NRXN1: variants seen among roughly 807,000 people sequenced by gnomAD.
The protein encoded by NRXN1 is neurexin 1.
NRXN1 carries 39 observed loss-of-function variants against 150.9 expected under a neutral mutation model. The observed-to-expected ratio is 0.26, with a 90% CI of 0.20 to 0.34. NRXN1 has a LOEUF of 0.34. Among genes scored for constraint, NRXN1 ranks in the 10% least tolerant of loss-of-function variants. The probability of loss-of-function intolerance (pLI) is 1.00; values close to 1 mark genes in which losing one functional copy is unlikely to be tolerated. For missense variants in NRXN1, 1,815 were observed against 1,949.9 expected (o/e 0.93, Z 1.30); for synonymous variants, 924 against 757.0 (o/e 1.22, Z -3.62).
At chr2:50,656,358 C>G in intron 5 of NRXN1, 1 of 776,304 alleles carries the variant, frequency 1.3e-6, no homozygotes, top group South Asian at 1.3e-5. Context: ...GTACCTGAGT[C>G]TGTACTAGGA....
intron 5 of NRXN1, among the ~76,000 whole-genome samples, chr2:50,849,916 TAC>T (rs1674259093): frequency 6.6e-6 from 1 of 152,074 alleles, no homozygotes; most frequent in Admixed American, 6.5e-5. Context: ...TTTTAAAAAA[TAC>T]GTATTTGTCC....
intron 17 of NRXN1, among the ~76,000 whole-genome samples, chr2:50,357,909 T>C (rs1012322650): frequency 1.3e-5 from 2 of 152,064 alleles, no homozygotes; most frequent in African/African-American, 4.8e-5. Flanking sequence ...GGTTAGACAG[T>C]GGGTGCAGCC....
chr2:50,840,021 C>A (rs763907058), intron 5 of NRXN1, among the ~76,000 whole-genome samples: 1 of 152,066 alleles, frequency 6.6e-6, no homozygotes, highest in South Asian at 2.1e-4. Flanking sequence ...AATAAGAGGA[C>A]ACTGATTCCC....
At chr2:50,240,656 G>C (rs188605043) in intron 17 of NRXN1, among the ~76,000 whole-genome samples, 16 of 151,798 alleles carry the variant, frequency 1.1e-4, no homozygotes, top group Admixed American at 9.9e-4. Context: ...GACTCAGAGA[G>C]ATCTGGGTTC....
intron 17 of NRXN1, among the ~76,000 whole-genome samples, chr2:50,357,310 T>TTTTTTTTTTA (rs2078891309): frequency 9.9e-6 from 1 of 101,256 alleles, no homozygotes; most frequent in African/African-American, 3.5e-5. Context: ...TTATTTTTTT[T>TTTTTTTTTTA]TTTATTTATT....
At chr2:50,986,337 G>C (rs570423805) in intron 2 of NRXN1, among the ~76,000 whole-genome samples, 14 of 151,660 alleles carry the variant, frequency 9.2e-5, no homozygotes, top group Non-Finnish European at 5.9e-5. Flanking sequence ...ATTCGTAGAT[G>C]AATAAATGTA....
In NRXN1 at chr2:50,515,279, T is replaced by C. The variant is rs191515750; in HGVS notation, c.2375-8662A>G. Among the ~76,000 whole-genome samples the C allele has an allele frequency of 1.6e-3, 239 of 152,320 alleles. 1 individual carries two copies. The highest frequency in any genetic ancestry group is 1.1e-3 in the Non-Finnish European group (72 of 68,028). The stretch of plus-strand genomic sequence containing the variant: ...CCCATTACCCTCAGATGAGACTCTC[T>C]AGTTGCTGGTAAACAACCTCTAGTT... On this transcript the variant is annotated intron_variant, in intron 12 of 22. Coordinates refer to ENST00000401669, the MANE Select transcript of NRXN1 (RefSeq NM_001330078.2).
chr2:50,782,789 C>T (rs1704533992), intron 5 of NRXN1, among the ~76,000 whole-genome samples: 1 of 152,114 alleles, frequency 6.6e-6, no homozygotes, highest in African/African-American at 2.4e-5. Context: ...AGTAGTGACT[C>T]ATCCTTTTCC....
chr2:49,952,197 C>A (rs562768415), intron 21 of NRXN1, among the ~76,000 whole-genome samples: 40 of 151,972 alleles, frequency 2.6e-4, no homozygotes, highest in Non-Finnish European at 5.0e-4. Context: ...ATCCATCCAT[C>A]CCAAACCATC....
chr2:50,160,369 C>T (rs1481030164), intron 18 of NRXN1, among the ~76,000 whole-genome samples: 2 of 151,808 alleles, frequency 1.3e-5, no homozygotes, highest in Non-Finnish European at 2.9e-5. Flanking sequence ...GGTGAAAACC[C>T]GTCTCTACTA....
At chr2:50,745,884 T>C (rs1166012941) in intron 5 of NRXN1, among the ~76,000 whole-genome samples, 1 of 152,074 alleles carries the variant, frequency 6.6e-6, no homozygotes, top group Non-Finnish European at 1.5e-5. Context: ...GGAACTACAA[T>C]TCAAGATGAA....
At chr2:50,285,645 T>C (rs2072052471) in intron 17 of NRXN1, among the ~76,000 whole-genome samples, 1 of 152,180 alleles carries the variant, frequency 6.6e-6, no homozygotes, top group Non-Finnish European at 1.5e-5. Context: ...GGACCTGTTG[T>C]ATAGATTGTA....
chr2:50,095,654 T>C (rs550533451), intron 18 of NRXN1, among the ~76,000 whole-genome samples: 2 of 152,250 alleles, frequency 1.3e-5, no homozygotes, highest in Non-Finnish European at 2.9e-5. Flanking sequence ...AAAATGCTCA[T>C]TTTCTAGGTG....
chr2:50,891,037 T>G (rs1209828703), intron 5 of NRXN1, among the ~76,000 whole-genome samples: 3 of 152,030 alleles, frequency 2.0e-5, no homozygotes, highest in African/African-American at 7.2e-5. Context: ...ATTTTACTAC[T>G]TAGGGGCTTA....
At chr2:50,508,497 G>A (rs1425627162) in intron 12 of NRXN1, among the ~76,000 whole-genome samples, 2 of 151,648 alleles carry the variant, frequency 1.3e-5, no homozygotes, top group Non-Finnish European at 2.9e-5. Flanking sequence ...CCTGCTGGCA[G>A]TAAGGGTCAT....
chr2:50,420,962 CTGTGTGTGTGTG>C (rs4032055), intron 17 of NRXN1, among the ~76,000 whole-genome samples: 16,432 of 119,934 alleles, frequency 0.14, 1,244 homozygotes, highest in East Asian at 0.31. Context: ...CAAAATAGAC[CTGTGTGTGTGTG>C]TGTGTGTGTG....
At chr2:50,058,530 C>T (rs954710129) in intron 19 of NRXN1, among the ~76,000 whole-genome samples, 9 of 147,536 alleles carry the variant, frequency 6.1e-5, no homozygotes, top group Non-Finnish European at 9.0e-5. Context: ...TCTTTGTTCT[C>T]CTACTAGAAT....
At chr2:50,408,837 ATCTCTCTCTCTC>A (rs10522429) in intron 17 of NRXN1, among the ~76,000 whole-genome samples, 34 of 136,650 alleles carry the variant, frequency 2.5e-4, no homozygotes, top group South Asian at 1.2e-3. Flanking sequence ...ATCAATCTCA[ATCTCTCTCTCTC>A]TCTCTCTCTC....
chr2:50,490,857 G>A (rs2091213316), intron 15 of NRXN1, among the ~76,000 whole-genome samples: 1 of 152,120 alleles, frequency 6.6e-6, no homozygotes, highest in Non-Finnish European at 1.5e-5. Flanking sequence ...CTCAACAGCT[G>A]AAAGGGTTTC....
Sources: allele counts gnomAD v4.1 joint callset (sites outside exome capture counted in the v4.1 genomes callset), GRCh38; gene constraint gnomAD v4.1.1; transcripts MANE v1.5; gene names NCBI Gene and HGNC (gene_info 2026-07-23, HGNC 2026-07-21).